The following TNFRSF11B variants were observed in gnomAD, a reference collection of about 807,000 sequenced individuals.
The protein encoded by TNFRSF11B is tumor necrosis factor receptor superfamily member 11B.
In TNFRSF11B, 16 loss-of-function variants were observed where a neutral mutation model predicts 43.4. The ratio of observed to expected loss-of-function variants is 0.37; its 90% confidence interval spans 0.25 to 0.56. The LOEUF (loss-of-function observed/expected upper bound fraction) is 0.56. TNFRSF11B is among the 20% of genes least tolerant of loss of function. The pLI is 0.80. For missense variants in TNFRSF11B, 444 were observed against 490.1 expected (o/e 0.91, Z 0.89); for synonymous variants, 185 against 181.8 (o/e 1.02, Z -0.14).
In TNFRSF11B at chr8:118,933,134, G is replaced by T; in HGVS notation, c.197C>A (p.Pro66His). ...CCAGCTGTCTGTGTAGTAGTGGTCA[G>T]GGCAAGGGGCGCACACGGTCTTCCA... ...AKWKTVCAPC[P>H]DHYYTDSWHT... Residue 66 changes from proline to histidine, a missense_variant, in exon 2 of 5, where the codon CCT becomes CAT. Coordinates refer to ENST00000297350, the MANE Select transcript of TNFRSF11B (RefSeq NM_002546.4). 1 of 1,614,216 alleles carries T rather than the reference G, an allele frequency of 6.2e-7. No homozygotes were observed. The highest frequency in any genetic ancestry group is 8.5e-7 in the Non-Finnish European group (1 of 1,180,050).
At chr8:118,943,551 G>T (rs11573852) in intron 1 of TNFRSF11B, among the ~76,000 whole-genome samples, 4,000 of 152,130 alleles carry the variant, frequency 0.026, 162 homozygotes, top group African/African-American at 0.092. Flanking sequence ...AAATTTCTCA[G>T]CTGGGTAACA....
At chr8:118,939,106 A>G (rs190250571) in intron 1 of TNFRSF11B, among the ~76,000 whole-genome samples, 267 of 152,330 alleles carry the variant, frequency 1.8e-3, no homozygotes, top group Middle Eastern at 3.4e-3. Flanking sequence ...GTCTTAGCCA[A>G]GAAAGGAAAC....
chr8:118,942,777 A>G (rs1402212521), intron 1 of TNFRSF11B, among the ~76,000 whole-genome samples: 1 of 152,162 alleles, frequency 6.6e-6, no homozygotes, highest in Non-Finnish European at 1.5e-5. Flanking sequence ...GCTGGGATTT[A>G]AATCCTATCC....
chr8:118,943,962 G>A (rs1479990131), intron 1 of TNFRSF11B, among the ~76,000 whole-genome samples: 1 of 152,152 alleles, frequency 6.6e-6, no homozygotes, highest in Non-Finnish European at 1.5e-5. Context: ...AGCAGCAGAA[G>A]ACAGAAGAGA....
chr8:118,923,606 C>G lies in TNFRSF11B; in HGVS notation c.*768G>C, dbSNP rs1812209408. On this transcript the variant is annotated 3_prime_UTR_variant, in exon 5 of 5. Transcript: ENST00000297350. ...TAATGTCATTTATATAGTTATAAAA[C>G]CATAAAATCTTTTAAATAAGGTACA... The G allele has an allele frequency of 6.6e-6, 1 of 152,448 alleles. No individual in the cohort carries two copies. The highest frequency in any genetic ancestry group is 2.4e-5 in the African/African-American group (1 of 41,394). The allele number at this position is 152,448 out of a possible 1,614,324, so 9.4% of individuals were successfully genotyped here.
chr8:118,935,684 C>G (rs1225120269), intron 1 of TNFRSF11B, among the ~76,000 whole-genome samples: 1 of 152,130 alleles, frequency 6.6e-6, no homozygotes, highest in African/African-American at 2.4e-5. Flanking sequence ...TTTCCTGATT[C>G]AACTTGCAAA....
At chr8:118,928,611 C>T in intron 3 of TNFRSF11B, 127 bp downstream of exon 3, 3 of 1,036,052 alleles carry the variant, frequency 2.9e-6, no homozygotes, top group South Asian at 1.3e-5. Context: ...GTAGCCTTAG[C>T]TGGTTAAGAT....
In TNFRSF11B at chr8:118,923,962, T is replaced by C. The variant is rs1379870216; in HGVS notation, c.*412A>G. The C allele has an allele frequency of 5.8e-6, 1 of 171,522 alleles. No individual in the cohort carries two copies. The highest frequency in any genetic ancestry group is 1.3e-5 in the Non-Finnish European group (1 of 78,052). The allele number at this position is 171,522 out of a possible 1,614,324, so 10.6% of individuals were successfully genotyped here. Reference sequence around the variant, plus strand: ...AATATAAATAGCAATACTGTAATAGTGTTACAGATATATTAGTAACTTTTA... The same window carrying C: ...AATATAAATAGCAATACTGTAATAGCGTTACAGATATATTAGTAACTTTTA... On this transcript the variant is annotated 3_prime_UTR_variant, in exon 5 of 5. Coordinates refer to ENST00000297350, the MANE Select transcript of TNFRSF11B (RefSeq NM_002546.4).
At chr8:118,932,661 TAAA>T (rs5894464) in intron 2 of TNFRSF11B, among the ~76,000 whole-genome samples, 2 of 144,730 alleles carry the variant, frequency 1.4e-5, no homozygotes, top group African/African-American at 2.5e-5. Flanking sequence ...TTTGTTTCTT[TAAA>T]AAAAAAAAAA....
intron 1 of TNFRSF11B, among the ~76,000 whole-genome samples, chr8:118,933,539 G>T (rs963471068): frequency 1.3e-5 from 2 of 152,228 alleles, no homozygotes; most frequent in Non-Finnish European, 2.9e-5. Flanking sequence ...GGAGTAGAAA[G>T]CCCATCAAAA....
chr8:118,944,176 A>G (rs1458760955), intron 1 of TNFRSF11B, among the ~76,000 whole-genome samples: 1 of 152,132 alleles, frequency 6.6e-6, no homozygotes, highest in Non-Finnish European at 1.5e-5. Flanking sequence ...TCAACCATCT[A>G]ACTGGCTTAA....
chr8:118,934,374 C>G (rs1812373600), intron 1 of TNFRSF11B, among the ~76,000 whole-genome samples: 1 of 152,186 alleles, frequency 6.6e-6, no homozygotes, highest in Admixed American at 6.5e-5. Flanking sequence ...AGTCTTGACT[C>G]TCATAGGTGA....
Position 118,924,110 on chromosome 8 carries a change from C to A in TNFRSF11B, c.*264G>T. 9.8e-6 allele frequency: 3 copies of A among 306,978 alleles called. No individual in the cohort carries two copies. The highest frequency in any genetic ancestry group is 1.8e-5 in the Non-Finnish European group (3 of 164,980). The allele number at this position is 306,978 out of a possible 1,614,324, so 19.0% of individuals were successfully genotyped here. On this transcript the variant is annotated 3_prime_UTR_variant, in exon 5 of 5. Coordinates refer to ENST00000297350, the MANE Select transcript of TNFRSF11B (RefSeq NM_002546.4). ...AGTCTAGTTTTTTTTTTTTAATTTC[C>A]AGTTGAATTACTGCAAGCAGTAATA...
At chr8:118,946,192 C>T (rs2129922704) in intron 1 of TNFRSF11B, among the ~76,000 whole-genome samples, 1 of 152,186 alleles carries the variant, frequency 6.6e-6, no homozygotes, top group East Asian at 1.9e-4. Context: ...AAAAAAACTA[C>T]TCAAGCACCT....
chr8:118,935,434 G>A (rs559960531), intron 1 of TNFRSF11B, among the ~76,000 whole-genome samples: 2 of 152,126 alleles, frequency 1.3e-5, no homozygotes, highest in Non-Finnish European at 2.9e-5. Context: ...GAGTGAGCAC[G>A]CAGACAATAA....
chr8:118,932,989 C>T lies in TNFRSF11B; in HGVS notation c.342G>A (p.Glu114=). The T allele has an allele frequency of 6.2e-7, 1 of 1,614,210 alleles. No individual in the cohort carries two copies. Among genetic ancestry groups the T allele is most frequent in the African/African-American group, 1.3e-5 (1 of 75,082 alleles). The change falls in exon 2 of 5, where the codon GAG becomes GAA. Residue 114 remains glutamate (E), a synonymous_variant. Coordinates refer to ENST00000297350, the MANE Select transcript of TNFRSF11B (RefSeq NM_002546.4). ...TCCTATGTTTCAAGCAGAACTCTAT[C>T]TCAAGGTAGCGCCCTTCCTTGCATT... ...VCECKEGRYL[E]IEFCLKHRSC...
chr8:118,929,516 G>A (rs755160569), intron 2 of TNFRSF11B, among the ~76,000 whole-genome samples: 1 of 152,222 alleles, frequency 6.6e-6, no homozygotes, highest in African/African-American at 2.4e-5. Context: ...AAAAGCGTAA[G>A]CCTGCAGTTA....
rs566442059 is a variant in TNFRSF11B, at chr8:118,923,561, A to G, written c.*813T>C. On this transcript the variant is annotated 3_prime_UTR_variant, in exon 5 of 5. Transcript: ENST00000297350. ...TAAAAGCAACAGAAAAAGCAATAAA[A>G]AATAATTTGAAAACTTTAATAATGT... is the stretch of plus-strand genomic sequence containing the variant. The G allele has an allele frequency of 1.3e-5, 2 of 152,740 alleles. No individual in the cohort carries two copies. Among genetic ancestry groups the G allele is most frequent in the Admixed American group, 6.5e-5 (1 of 15,300 alleles). 9.5% of individuals were successfully genotyped at this position (152,740 alleles called of 1,614,324 possible).
At chr8:118,936,463 G>T (rs962794275) in intron 1 of TNFRSF11B, among the ~76,000 whole-genome samples, 8 of 152,054 alleles carry the variant, frequency 5.3e-5, no homozygotes, top group African/African-American at 1.9e-4. Flanking sequence ...TCTGGACTCA[G>T]TTACTGGACA....
Sources: allele counts gnomAD v4.1 joint callset (sites outside exome capture counted in the v4.1 genomes callset), GRCh38; gene constraint gnomAD v4.1.1; transcripts MANE v1.5; gene names NCBI Gene and HGNC (gene_info 2026-07-23, HGNC 2026-07-21).